MIPEP: variants seen among roughly 807,000 people sequenced by gnomAD.
MIPEP encodes mitochondrial intermediate peptidase.
In MIPEP, 79 loss-of-function variants were observed where a neutral mutation model predicts 90.3. The ratio of observed to expected loss-of-function variants is 0.87; its 90% CI spans 0.73 to 1.05. MIPEP has a LOEUF of 1.05. MIPEP is among the 50% of genes least tolerant of loss of function. The probability of loss-of-function intolerance (pLI) is 0.00; values close to 1 mark genes in which losing one functional copy is unlikely to be tolerated. For synonymous variants in MIPEP, 334 were observed against 315.8 expected (o/e 1.06, Z -0.61); for missense variants, 940 against 905.6 (o/e 1.04, Z -0.49).
intron 18 of MIPEP, among the ~76,000 whole-genome samples, chr13:23,753,258 C>G (rs920390475): frequency 6.7e-6 from 1 of 150,138 alleles, no homozygotes; most frequent in Non-Finnish European, 1.5e-5. Context: ...AATAATAAGA[C>G]AAAAAAAGAA....
intron 10 of MIPEP, among the ~76,000 whole-genome samples, chr13:23,844,954 G>A (rs1869467643): frequency 6.6e-6 from 1 of 152,076 alleles, no homozygotes; most frequent in East Asian, 1.9e-4. Context: ...ATTAACAATG[G>A]GCAAAAAGTA....
At chr13:23,774,276 C>T (rs1157352609) in intron 16 of MIPEP, among the ~76,000 whole-genome samples, 1 of 151,624 alleles carries the variant, frequency 6.6e-6, no homozygotes, top group Non-Finnish European at 1.5e-5. Context: ...GTATGTTTAT[C>T]CTTATGCCAG....
intron 2 of MIPEP, among the ~76,000 whole-genome samples, chr13:23,884,262 A>T (rs780122987): frequency 6.6e-6 from 1 of 151,988 alleles, no homozygotes; most frequent in Non-Finnish European, 1.5e-5. Context: ...GGGTGGATGG[A>T]ACAGCTTTGT....
chr13:23,875,367 G>T (rs1871025222), intron 4 of MIPEP, among the ~76,000 whole-genome samples: 1 of 151,712 alleles, frequency 6.6e-6, no homozygotes, highest in Non-Finnish European at 1.5e-5. Context: ...TTTTTCAAAG[G>T]CCCTCTGCAT....
chr13:23,867,426 G>A (rs774568221), intron 7 of MIPEP, among the ~76,000 whole-genome samples: 14 of 152,162 alleles, frequency 9.2e-5, no homozygotes, highest in Non-Finnish European at 1.2e-4. Context: ...TGAGCCTTCC[G>A]ACAATGCTCT....
chr13:23,737,731 G>A (rs1362153016), intron 18 of MIPEP, among the ~76,000 whole-genome samples: 2 of 152,156 alleles, frequency 1.3e-5, no homozygotes, highest in Non-Finnish European at 2.9e-5. Flanking sequence ...ACATGATTGA[G>A]AGCAATTGGT....
intron 18 of MIPEP, among the ~76,000 whole-genome samples, chr13:23,737,820 T>C: frequency 6.6e-6 from 1 of 152,204 alleles, no homozygotes; most frequent in Admixed American, 6.5e-5. Context: ...GGCCCTAGGG[T>C]GAAATCGTTG....
chr13:23,887,447 T>C (rs1049311737), intron 1 of MIPEP, among the ~76,000 whole-genome samples: 4 of 152,184 alleles, frequency 2.6e-5, no homozygotes, highest in African/African-American at 9.7e-5. Flanking sequence ...TAGAAAAAAC[T>C]TGTTTGAGGT....
At chr13:23,872,294 T>C (rs1870845261) in intron 5 of MIPEP, among the ~76,000 whole-genome samples, 1 of 152,136 alleles carries the variant, frequency 6.6e-6, no homozygotes, top group Admixed American at 6.5e-5. Flanking sequence ...AAACCCCGTC[T>C]CTACCAAAAA....
At chr13:23,834,423 T>C (rs1868927084) in intron 14 of MIPEP, among the ~76,000 whole-genome samples, 1 of 152,150 alleles carries the variant, frequency 6.6e-6, no homozygotes, top group Non-Finnish European at 1.5e-5. Context: ...TCCTGGGCTT[T>C]GCCTTCGGGC....
chr13:23,858,715 T>A, intron 10 of MIPEP, 145 bp downstream of exon 10: 1 of 668,718 alleles, frequency 1.5e-6, no homozygotes, highest in South Asian at 1.8e-5. Flanking sequence ...GAAGAATACA[T>A]GAGTGGAGCA....
At chr13:23,774,580 A>G (rs1952691130) in intron 16 of MIPEP, among the ~76,000 whole-genome samples, 1 of 152,072 alleles carries the variant, frequency 6.6e-6, no homozygotes, top group Non-Finnish European at 1.5e-5. Context: ...TCTTTCTTTC[A>G]ATAATGTTTT....
At chr13:23,771,106 G>A (rs1952645475) in intron 16 of MIPEP, among the ~76,000 whole-genome samples, 2 of 152,170 alleles carry the variant, frequency 1.3e-5, no homozygotes, top group South Asian at 4.1e-4. Flanking sequence ...ACTGCAACAA[G>A]TGCTATGGGA....
Position 23,889,179 on chromosome 13 carries a change from T to C in MIPEP, c.142A>G (p.Asn48Asp). The change falls in exon 1 of 19, where the codon AAT becomes GAT. Residue 48 changes from asparagine (N) to aspartate (D), a missense_variant. Coordinates refer to ENST00000382172, the MANE Select transcript of MIPEP (RefSeq NM_005932.4). ...AAGCGGCTGCCCTGGGGCTTGACAT[T>C]GAAGGCGGCGCCCACGGGAGACCAG... is the stretch of plus-strand genomic sequence containing the variant. ...TSWSPVGAAF[N>D]VKPQGSRLDL... 6.8e-7 allele frequency: 1 copy of C among 1,467,994 alleles called. No homozygotes were observed. Among genetic ancestry groups the C allele is most frequent in the African/African-American group, 1.5e-5 (1 of 67,536 alleles). The allele number at this position is 1,467,994 out of a possible 1,614,324, so 90.9% of individuals were successfully genotyped here. A position where few individuals can be genotyped will look rare whatever the true frequency, so the allele number is the denominator to read the frequency against.
At chr13:23,794,493 T>G (rs1228407443) in intron 16 of MIPEP, among the ~76,000 whole-genome samples, 1 of 152,134 alleles carries the variant, frequency 6.6e-6, no homozygotes, top group African/African-American at 2.4e-5. Flanking sequence ...AAAACGGGAC[T>G]TACCTCAGAA....
intron 16 of MIPEP, among the ~76,000 whole-genome samples, chr13:23,776,829 A>C (rs79405165): frequency 6.6e-6 from 1 of 152,162 alleles, no homozygotes; most frequent in South Asian, 2.1e-4. Context: ...TAAAAAAAAA[A>C]AAGAAGAAAA....
At chr13:23,737,519 G>A (rs141396407) in intron 18 of MIPEP, among the ~76,000 whole-genome samples, 13 of 152,074 alleles carry the variant, frequency 8.5e-5, no homozygotes, top group African/African-American at 2.7e-4. Context: ...CTACACTTTC[G>A]CCAAGAAAAA....
intron 16 of MIPEP, among the ~76,000 whole-genome samples, chr13:23,761,332 A>T (rs1400927116): frequency 6.6e-6 from 1 of 152,214 alleles, no homozygotes; most frequent in African/African-American, 2.4e-5. Flanking sequence ...TCTGTGACAG[A>T]AACGTAAAGA....
At position 23,881,172 on chromosome 13, in the gene MIPEP, G is replaced by C. The variant is rs144375085; in HGVS notation, c.452+527C>G. 5.7e-4 allele frequency among the ~76,000 whole-genome samples: 87 copies of C among 152,302 alleles called. No individual in the cohort carries two copies. In the Middle Eastern group the frequency reaches 0.01, roughly 18 times the overall value. On this transcript the variant is annotated intron_variant, in intron 3 of 18. Coordinates refer to ENST00000382172, the MANE Select transcript of MIPEP (RefSeq NM_005932.4). ...CCCACAGACTTTTACAGCCTCCCTAGACTCCCCTAATTCCAACTCAACAGG... is the reference window on the plus strand; with the variant it reads ...CCCACAGACTTTTACAGCCTCCCTACACTCCCCTAATTCCAACTCAACAGG...
Sources: allele counts gnomAD v4.1 joint callset (sites outside exome capture counted in the v4.1 genomes callset), GRCh38; gene constraint gnomAD v4.1.1; transcripts MANE v1.5; gene names NCBI Gene and HGNC (gene_info 2026-07-23, HGNC 2026-07-21).